Variants in CCNB1IP1 observed in about 807,000 individuals in gnomAD.
The protein encoded by CCNB1IP1 is E3 ubiquitin-protein ligase CCNB1IP1.
A neutral mutation model predicts 25.6 loss-of-function variants in CCNB1IP1; 14 were observed. That is an observed-to-expected ratio of 0.55 (90% CI 0.36 to 0.85). The LOEUF (loss-of-function observed/expected upper bound fraction) is 0.85, where lower values mean the gene tolerates loss of function less well. Ranked by LOEUF, CCNB1IP1 falls within the 40% of genes least tolerant of loss-of-function variation. The probability of loss-of-function intolerance (pLI) is 0.01; values close to 1 mark genes in which losing one functional copy is unlikely to be tolerated. For missense variants in CCNB1IP1, 278 were observed against 342.4 expected, an observed-to-expected ratio of 0.81 and a Z score of 1.48; for synonymous variants, 119 against 116.1, an observed-to-expected ratio of 1.02 and a Z score of -0.16.
intron 6 of CCNB1IP1, among the ~76,000 whole-genome samples, 181 bp from the exon 7 acceptor site, chr14:20,311,933 C>T (rs1464771744): frequency 2.0e-5 from 3 of 151,616 alleles, no homozygotes; most frequent in Non-Finnish European, 4.4e-5. Flanking sequence ...AAAAACATTG[C>T]AATAAACATT....
chr14:20,332,302 C>T (rs950652074), intron 1 of CCNB1IP1, among the ~76,000 whole-genome samples: 1 of 152,046 alleles, frequency 6.6e-6, no homozygotes, highest in Admixed American at 6.6e-5. Flanking sequence ...CTTTCTCACA[C>T]TTTCTGCCTA....
chr14:20,326,480 T>C (rs938844107), intron 3 of CCNB1IP1: 2 of 534,770 alleles, frequency 3.7e-6, no homozygotes, highest in Non-Finnish European at 7.7e-6. Flanking sequence ...TTAATCAGGC[T>C]GATCAGCTGA....
At chr14:20,321,485 C>A (rs1207496154) in intron 4 of CCNB1IP1, among the ~76,000 whole-genome samples, 1 of 150,492 alleles carries the variant, frequency 6.6e-6, no homozygotes, top group Non-Finnish European at 1.5e-5. Context: ...CGGAGTCTTG[C>A]TCTGTCACCC....
At chr14:20,311,856 T>A in intron 6 of CCNB1IP1, 104 bp from the exon 7 acceptor site, 1 of 623,086 alleles carries the variant, frequency 1.6e-6, no homozygotes, top group Non-Finnish European at 2.5e-6. Context: ...ATATTTTTTC[T>A]CCAATATTTG....
At chr14:20,320,116 G>C (rs1882843799) in intron 4 of CCNB1IP1, among the ~76,000 whole-genome samples, 1 of 152,182 alleles carries the variant, frequency 6.6e-6, no homozygotes, top group South Asian at 2.1e-4. Flanking sequence ...ACAGTAATAT[G>C]ACATGCAAAC....
intron 4 of CCNB1IP1, among the ~76,000 whole-genome samples, chr14:20,319,959 G>A (rs551588925): frequency 6.6e-6 from 1 of 152,310 alleles, no homozygotes; most frequent in South Asian, 2.1e-4. Context: ...CAGCGAAATG[G>A]TATCTCAGTG....
At chr14:20,316,723 T>A (rs960759840) in intron 4 of CCNB1IP1, among the ~76,000 whole-genome samples, 163 bp from the exon 5 acceptor site, 2 of 152,250 alleles carry the variant, frequency 1.3e-5, no homozygotes, top group African/African-American at 2.4e-5. Flanking sequence ...CTCAATAATA[T>A]TAATTGTGCT....
chr14:20,317,443 A>T (rs1882745188), intron 4 of CCNB1IP1, among the ~76,000 whole-genome samples: 1 of 152,126 alleles, frequency 6.6e-6, no homozygotes, highest in South Asian at 2.1e-4. Context: ...GGTCGATAGA[A>T]AAGAACACTC....
rs1882475491 is a variant in CCNB1IP1 at position 20,311,458 on chromosome 14, C to T, written c.*92G>A. 1 of 1,043,636 alleles carries T rather than the reference C, an allele frequency of 9.6e-7. No homozygotes were observed. Among genetic ancestry groups the T allele is most frequent in the Non-Finnish European group, 1.5e-6 (1 of 673,364 alleles). 64.6% of individuals were successfully genotyped at this position (1,043,636 alleles called of 1,614,324 possible). A position where few individuals can be genotyped will look rare whatever the true frequency, so the allele number is the denominator to read the frequency against. ...GGAGTGCAGTGGCATGATCTTAGAT[C>T]ACTAAAGCCTCAGACTCCTGGGCTC... On this transcript the variant is annotated 3_prime_UTR_variant, in exon 7 of 7. Transcript: ENST00000358932.
At chr14:20,329,986 G>A (rs1444259504) in intron 1 of CCNB1IP1, among the ~76,000 whole-genome samples, 1 of 151,762 alleles carries the variant, frequency 6.6e-6, no homozygotes, top group African/African-American at 2.4e-5. Flanking sequence ...ATTTTGCACT[G>A]TAGCTGGCAT....
intron 5 of CCNB1IP1, chr14:20,314,492 A>C (rs1882611147): frequency 6.6e-6 from 1 of 151,834 alleles, no homozygotes; most frequent in African/African-American, 2.4e-5. Context: ...CATAAAATGC[A>C]AAACTATGAA....
At position 20,327,565 on chromosome 14, in the gene CCNB1IP1, T is replaced by G. The variant is rs184361481; in HGVS notation, c.-230-772A>C. Among the ~76,000 whole-genome samples the G allele has an allele frequency of 5.3e-5, 8 of 150,694 alleles. No individual in the cohort carries two copies. In the East Asian group the frequency reaches 1.6e-3, roughly 29 times the overall value. On this transcript the variant is annotated intron_variant, in intron 2 of 6. Coordinates refer to ENST00000358932, the MANE Select transcript of CCNB1IP1 (RefSeq NM_021178.5). Reference sequence around the variant, plus strand: ...ACATACTAGATACGCAGTTCATCTTTGCAGGCAACCTTCACACTATTCCCT... The same window carrying G: ...ACATACTAGATACGCAGTTCATCTTGGCAGGCAACCTTCACACTATTCCCT...
intron 6 of CCNB1IP1, among the ~76,000 whole-genome samples, chr14:20,311,987 A>G (rs1212654165): frequency 2.0e-5 from 3 of 152,236 alleles, no homozygotes; most frequent in Non-Finnish European, 2.9e-5. Flanking sequence ...CCATGACCCA[A>G]TATCAATTAG....
intron 4 of CCNB1IP1, among the ~76,000 whole-genome samples, chr14:20,321,818 G>C (rs948615425): frequency 6.6e-6 from 1 of 152,156 alleles, no homozygotes; most frequent in Non-Finnish European, 1.5e-5. Flanking sequence ...TGAGATTCTG[G>C]TATAAGCACG....
At chr14:20,330,930 A>C (rs1177408274) in intron 1 of CCNB1IP1, 1 of 152,020 alleles carries the variant, frequency 6.6e-6, no homozygotes, top group Non-Finnish European at 1.5e-5. Context: ...CCTTCCCCTC[A>C]TTTCCTACTT....
At chr14:20,315,625 G>C (rs956085685) in intron 5 of CCNB1IP1, 59 of 1,285,636 alleles carry the variant, frequency 4.6e-5, no homozygotes, top group Non-Finnish European at 5.9e-5. Context: ...AATACTAAAA[G>C]TAGAAATCAT....
intron 6 of CCNB1IP1, among the ~76,000 whole-genome samples, chr14:20,313,018 A>C (rs1043384274): frequency 2.0e-5 from 3 of 152,214 alleles, no homozygotes; most frequent in African/African-American, 7.2e-5. Context: ...CTCTGAAAAC[A>C]GGTTAGTGAT....
Position 20,316,912 on chromosome 14 carries a change from C to A in CCNB1IP1, c.-37-352G>T, listed in dbSNP as rs887642649. 3.9e-5 allele frequency among the ~76,000 whole-genome samples: 6 copies of A among 152,266 alleles called. 1 individual carries two copies. In the South Asian group the frequency reaches 1.0e-3, roughly 26 times the overall value. On this transcript the variant is annotated intron_variant, in intron 4 of 6. Transcript: ENST00000358932. ...TCCCTTCAGGTCAGGAGTTCCAGACCAGCCTGGCCAACATGGTGAAACCCA... is the reference window on the plus strand; with the variant it reads ...TCCCTTCAGGTCAGGAGTTCCAGACAAGCCTGGCCAACATGGTGAAACCCA...
chr14:20,319,530 A>G (rs1882826098), intron 4 of CCNB1IP1, among the ~76,000 whole-genome samples: 1 of 152,254 alleles, frequency 6.6e-6, no homozygotes, highest in African/African-American at 2.4e-5. Context: ...TAACTTTGTG[A>G]TCCTAGCCAA....
Sources: allele counts gnomAD v4.1 joint callset (sites outside exome capture counted in the v4.1 genomes callset), GRCh38; gene constraint gnomAD v4.1.1; transcripts MANE v1.5; gene names NCBI Gene and HGNC (gene_info 2026-07-23, HGNC 2026-07-21).